NBAS: variants seen among roughly 807,000 people sequenced by gnomAD.
The protein encoded by NBAS is NBAS subunit of NRZ tethering complex, also known as NAG/BC035112 fusion.
In NBAS, 219 loss-of-function variants were observed where a neutral mutation model predicts 302.5. The ratio of observed to expected loss-of-function variants is 0.72; its 90% confidence interval spans 0.65 to 0.81. NBAS has a LOEUF of 0.81. NBAS is among the 30% of genes least tolerant of loss of function. The pLI is 0.00. For synonymous variants in NBAS, 1,118 were observed against 1,021.6 expected (o/e 1.09, Z -1.80); for missense variants, 2,932 against 2,841.6 (o/e 1.03, Z -0.72).
intron 49 of NBAS, 33 bp downstream of exon 49, chr2:15,190,231 C>T: frequency 6.2e-7 from 1 of 1,612,260 alleles, no homozygotes; most frequent in Non-Finnish European, 8.5e-7. Flanking sequence ...AACAAAAGAA[C>T]TCTAATTACG....
chr2:15,541,395 C>G (rs1390210210), intron 6 of NBAS, among the ~76,000 whole-genome samples: 1 of 152,130 alleles, frequency 6.6e-6, no homozygotes, highest in Non-Finnish European at 1.5e-5. Context: ...CCCTCCAGGA[C>G]TACCAATGAA....
At chr2:14,847,105 C>A in the NBAS span, among the ~76,000 whole-genome samples, 11 of 151,992 alleles carry the variant, frequency 7.2e-5, no homozygotes, top group Admixed American at 3.3e-4. Context: ...CATAGACGGC[C>A]GGGCATGGTG....
chr2:15,039,109 C>T, the NBAS span, among the ~76,000 whole-genome samples: 21 of 152,122 alleles, frequency 1.4e-4, no homozygotes, highest in Non-Finnish European at 2.5e-4. Flanking sequence ...TCTGACTAGC[C>T]CTCTGTCTTT....
chr2:15,504,248 C>A (rs778089342), intron 10 of NBAS, 35 bp from the exon 11 acceptor site: 2 of 1,472,492 alleles, frequency 1.4e-6, no homozygotes, highest in Non-Finnish European at 1.9e-6. Flanking sequence ...AGAAAGATTA[C>A]TGAAATGACT....
chr2:15,387,294 C>A (rs1013046453), intron 28 of NBAS, among the ~76,000 whole-genome samples: 6 of 152,188 alleles, frequency 3.9e-5, no homozygotes, highest in African/African-American at 1.4e-4. Context: ...GTCTCCATCT[C>A]CTGACCTTGT....
chr2:14,876,189 T>C, the NBAS span, among the ~76,000 whole-genome samples: 1 of 152,248 alleles, frequency 6.6e-6, no homozygotes, highest in African/African-American at 2.4e-5. Flanking sequence ...AGGCTTCTAC[T>C]TGGTCTTTGC....
intron 25 of NBAS, among the ~76,000 whole-genome samples, chr2:15,404,349 T>C (rs1056099913): frequency 1.3e-5 from 2 of 151,956 alleles, no homozygotes; most frequent in Non-Finnish European, 2.9e-5. Flanking sequence ...TCATATATGG[T>C]AAGAAAACAT....
At chr2:15,236,919 C>T (rs1219616750) in intron 45 of NBAS, among the ~76,000 whole-genome samples, 1 of 152,082 alleles carries the variant, frequency 6.6e-6, no homozygotes, top group Non-Finnish European at 1.5e-5. Context: ...TTCCCATTAT[C>T]TTTTCAATGG....
intron 29 of NBAS, among the ~76,000 whole-genome samples, chr2:15,381,152 A>G (rs1234850317): frequency 2.0e-5 from 3 of 152,168 alleles, no homozygotes; most frequent in African/African-American, 2.4e-5. Context: ...TCAATGTCCA[A>G]TACTGAAAAA....
chr2:14,969,976 G>T, the NBAS span, among the ~76,000 whole-genome samples: 1 of 151,982 alleles, frequency 6.6e-6, no homozygotes, highest in South Asian at 2.1e-4. Context: ...TTGCCCAAAG[G>T]TAAGAGTCAA....
chr2:15,234,625 T>G lies in NBAS; in HGVS notation c.6066A>C (p.Leu2022=). ...TGTCAAGAGGGCCAACTGCCACCTC[T>G]AGCAGCTGCTGAATCATTGCTAGAG... ...GQPLAMIQQL[L]EVAVGPLDIS... is the part of the protein sequence containing the mutation. The change falls in exon 46 of 52, where the codon CTA becomes CTC. Residue 2022 remains leucine (L), a synonymous_variant. Coordinates refer to ENST00000281513, the MANE Select transcript of NBAS (RefSeq NM_015909.4). 6.2e-7 allele frequency: 1 copy of G among 1,614,168 alleles called. No homozygotes were observed. Among genetic ancestry groups the G allele is most frequent in the Non-Finnish European group, 8.5e-7 (1 of 1,179,990 alleles).
Position 15,554,135 on chromosome 2 carries a change from C to G in NBAS, c.213G>C (p.Pro71=), listed in dbSNP as rs761845358. The change falls in exon 4 of 52, where the codon CCG becomes CCC. Residue 71 remains proline (P), a synonymous_variant. Coordinates refer to ENST00000281513, the MANE Select transcript of NBAS (RefSeq NM_015909.4). ...GTCCATCAGGGAGCAAAAAAGGTGC[C>G]GGGCTGAAATCACAACACATTAGTT... ...LFLRQYIWYS[P]APFLLPDGLV... 4 of 1,612,852 alleles carry G rather than the reference C, an allele frequency of 2.5e-6. No homozygotes were observed. The highest frequency in any genetic ancestry group is 1.6e-4 in the Middle Eastern group (1 of 6,084).
At chr2:15,548,965 T>C (rs1310200621) in intron 6 of NBAS, among the ~76,000 whole-genome samples, 2 of 152,154 alleles carry the variant, frequency 1.3e-5, no homozygotes, top group African/African-American at 4.8e-5. Context: ...GCGAAAAGTC[T>C]TTTATCGTAA....
the NBAS span, among the ~76,000 whole-genome samples, chr2:14,883,483 T>C: frequency 6.6e-6 from 1 of 152,102 alleles, no homozygotes; most frequent in Non-Finnish European, 1.5e-5. Flanking sequence ...GCTCTGAACT[T>C]GAAAATCCCT....
At chr2:15,467,445 A>C in intron 18 of NBAS, 38 bp from the exon 19 acceptor site, 1 of 1,513,126 alleles carries the variant, frequency 6.6e-7, no homozygotes, top group Non-Finnish European at 9.2e-7. Context: ...TTATATTTAC[A>C]CAGAATTATT....
At chr2:14,857,082 G>A in the NBAS span, among the ~76,000 whole-genome samples, 14 of 152,022 alleles carry the variant, frequency 9.2e-5, no homozygotes, top group Non-Finnish European at 1.8e-4. Context: ...AACAGCCACA[G>A]ATAAAATTAA....
chr2:15,294,872 C>T (rs1242433122), intron 40 of NBAS, among the ~76,000 whole-genome samples: 2 of 152,208 alleles, frequency 1.3e-5, no homozygotes, highest in African/African-American at 4.8e-5. Flanking sequence ...TGTATATTCT[C>T]ACCTGGTGCT....
chr2:14,927,509 C>T, the NBAS span, among the ~76,000 whole-genome samples: 3 of 152,186 alleles, frequency 2.0e-5, no homozygotes, highest in African/African-American at 7.2e-5. Flanking sequence ...ATGAATAATG[C>T]TGCTATGAAC....
intron 25 of NBAS, among the ~76,000 whole-genome samples, chr2:15,406,103 T>TAAAAA (rs71400653): frequency 3.5e-5 from 4 of 115,058 alleles, no homozygotes; most frequent in Admixed American, 8.7e-5. Context: ...CAATAACATG[T>TAAAAA]AAAAAAAAAA....
Sources: allele counts gnomAD v4.1 joint callset (sites outside exome capture counted in the v4.1 genomes callset), GRCh38; gene constraint gnomAD v4.1.1; transcripts MANE v1.5; gene names NCBI Gene and HGNC (gene_info 2026-07-23, HGNC 2026-07-21).